The following HYCC2 variants were observed in gnomAD, a reference collection of about 807,000 sequenced individuals.
The protein encoded by HYCC2 is hyccin 2.
At chr2:201,034,685 C>T in the HYCC2 span, among the ~76,000 whole-genome samples, 3 of 152,152 alleles carry the variant, frequency 2.0e-5, no homozygotes, top group African/African-American at 7.2e-5. Context: ...TTAGTTGATG[C>T]AGTTTCTTCC....
At chr2:201,022,147 T>A in the HYCC2 span, 6 of 1,244,554 alleles carry the variant, frequency 4.8e-6, no homozygotes, top group Admixed American at 1.4e-4. Flanking sequence ...TCCTGTGTGT[T>A]CCTTTCATTT....
At chr2:201,064,633 G>A in the HYCC2 span, among the ~76,000 whole-genome samples, 1 of 152,246 alleles carries the variant, frequency 6.6e-6, no homozygotes, top group Middle Eastern at 3.4e-3. Flanking sequence ...TTATAAAAGT[G>A]ATTGTTGGCA....
the HYCC2 span, chr2:201,011,424 G>A: frequency 3.8e-6 from 6 of 1,581,622 alleles, no homozygotes; most frequent in Non-Finnish European, 5.1e-6. Context: ...GATAAGGAGG[G>A]GATAGTGAAA....
chr2:201,063,092 T>C, the HYCC2 span: 6 of 1,609,326 alleles, frequency 3.7e-6, no homozygotes, highest in East Asian at 1.1e-4. Context: ...TGCCGTCATG[T>C]CTAAGTCAGA....
chr2:201,063,803 G>A, the HYCC2 span: 1 of 1,591,032 alleles, frequency 6.3e-7, no homozygotes, highest in East Asian at 2.2e-5. Context: ...TGGATATGAT[G>A]GCAGTGGGGA....
chr2:201,045,734 TAAC>T, the HYCC2 span: 1 of 387,330 alleles, frequency 2.6e-6, no homozygotes, highest in East Asian at 3.7e-5. Flanking sequence ...ATTTCTGTAA[TAAC>T]TAGCATACTT....
At chr2:201,018,256 T>TAACC in the HYCC2 span, among the ~76,000 whole-genome samples, 1 of 152,120 alleles carries the variant, frequency 6.6e-6, no homozygotes, top group East Asian at 1.9e-4. Flanking sequence ...TTTGCTGGAG[T>TAACC]AACCGTAGGC....
chr2:200,985,146 T>C, the HYCC2 span, among the ~76,000 whole-genome samples: 1 of 152,082 alleles, frequency 6.6e-6, no homozygotes, highest in Non-Finnish European at 1.5e-5. Flanking sequence ...AAAAAGGCAA[T>C]TGTGTCTCAA....
the HYCC2 span, chr2:201,064,035 G>A: frequency 5.0e-6 from 8 of 1,594,364 alleles, no homozygotes; most frequent in African/African-American, 4.0e-5. Flanking sequence ...AGCTATGGCA[G>A]TGGCAGAAGA....
At chr2:200,997,993 G>A in the HYCC2 span, among the ~76,000 whole-genome samples, 1 of 152,164 alleles carries the variant, frequency 6.6e-6, no homozygotes, top group African/African-American at 2.4e-5. Context: ...CCGAGACTGT[G>A]CCACTGCACT....
At chr2:200,987,485 G>C in the HYCC2 span, 1 of 1,289,814 alleles carries the variant, frequency 7.8e-7, no homozygotes, top group Non-Finnish European at 1.0e-6. Flanking sequence ...TGTTGGATCG[G>C]GGAGCCAGGA....
At chr2:201,014,545 G>A in the HYCC2 span, among the ~76,000 whole-genome samples, 1 of 152,286 alleles carries the variant, frequency 6.6e-6, no homozygotes, top group East Asian at 1.9e-4. Flanking sequence ...GGCAACTGAA[G>A]TCAAGATATT....
At chr2:201,039,463 G>A in the HYCC2 span, among the ~76,000 whole-genome samples, 5 of 152,016 alleles carry the variant, frequency 3.3e-5, no homozygotes, top group East Asian at 1.9e-4. Context: ...TTCAAATATC[G>A]TCCAGAAATT....
the HYCC2 span, among the ~76,000 whole-genome samples, chr2:201,027,317 A>G: frequency 6.6e-6 from 1 of 152,206 alleles, no homozygotes; most frequent in Non-Finnish European, 1.5e-5. Flanking sequence ...CTGAGGTAAT[A>G]ATTAATAGCC....
the HYCC2 span, chr2:201,022,116 TG>T: frequency 7.8e-7 from 1 of 1,289,194 alleles, no homozygotes. Flanking sequence ...AGGCTGTATC[TG>T]GGAAGATAAG....
chr2:201,032,837 TG>T, the HYCC2 span, among the ~76,000 whole-genome samples: 56 of 152,276 alleles, frequency 3.7e-4, no homozygotes, highest in African/African-American at 1.2e-3. Context: ...TTTATAATTT[TG>T]TTTTTTGTAG....
chr2:201,050,889 C>A, the HYCC2 span, among the ~76,000 whole-genome samples: 3 of 151,970 alleles, frequency 2.0e-5, no homozygotes, highest in African/African-American at 7.3e-5. Flanking sequence ...GAGCTGAGAT[C>A]GCACCACTGC....
chr2:200,991,645 G>A, the HYCC2 span, among the ~76,000 whole-genome samples: 335 of 152,066 alleles, frequency 2.2e-3, 2 homozygotes, highest in African/African-American at 7.8e-3. Flanking sequence ...TAAGATGGGA[G>A]GATCGCTTGA....
At chr2:200,999,441 AATGGC>A in the HYCC2 span, among the ~76,000 whole-genome samples, 10 of 151,472 alleles carry the variant, frequency 6.6e-5, no homozygotes, top group Non-Finnish European at 1.2e-4. Context: ...GCTGAAGTAT[AATGGC>A]ATGATCTCGG....
Sources: gnomAD v4.1 joint callset for allele counts (sites outside exome capture counted in the v4.1 genomes callset) on GRCh38, gnomAD v4.1.1 for gene constraint, MANE v1.5 for transcripts, NCBI Gene and HGNC (gene_info 2026-07-23, HGNC 2026-07-21) for gene names.